The following FANCA variants were observed in gnomAD, a reference collection of about 807,000 sequenced individuals.
FANCA encodes FA complementation group A, also known as Fanconi anemia group A protein.
A neutral mutation model predicts 194.3 loss-of-function variants in FANCA; 236 were observed. That is an observed-to-expected ratio of 1.21 (90% confidence interval 1.09 to 1.35). The LOEUF is 1.35. Among genes scored for constraint, FANCA ranks in the 40% most tolerant of loss-of-function variants. The pLI is 0.00. For missense variants in FANCA, 2,628 were observed against 1,813.9 expected (o/e 1.45, Z -8.15); for synonymous variants, 1,014 against 715.8 (o/e 1.42, Z -6.65).
In FANCA at chr16:89,779,937, C is replaced by G; in HGVS notation, c.1647G>C (p.Gln549His). Residue 549 changes from glutamine (Q) to histidine (H), a missense_variant, in exon 18 of 43, where the codon CAG becomes CAC. Coordinates refer to ENST00000389301, the MANE Select transcript of FANCA (RefSeq NM_000135.4). ...ACACCATGATGGCCTTTTCAACATCCTGAAGAGCTTGGCTGTGGGGCTGGT... is the reference window on the plus strand; with the variant it reads ...ACACCATGATGGCCTTTTCAACATCGTGAAGAGCTTGGCTGTGGGGCTGGT... ...DITEPHSQALQDVEKAIMVFE... is the reference protein window; with the variant it reads ...DITEPHSQALHDVEKAIMVFE... 4.3e-6 allele frequency: 7 copies of G among 1,614,194 alleles called. No homozygotes were observed. Among genetic ancestry groups the G allele is most frequent in the Middle Eastern group, 1.7e-4 (1 of 6,028 alleles).
In FANCA at chr16:89,745,056, G is replaced by A. The variant is rs2038335485; in HGVS notation, c.3529C>T (p.Leu1177=). The A allele has an allele frequency of 6.2e-7, 1 of 1,606,876 alleles. No individual in the cohort carries two copies. The highest frequency in any genetic ancestry group is 1.1e-5 in the South Asian group (1 of 90,626). ...LTSALVWWPS[L]EPVLLCRWRR... is the part of the protein sequence containing the mutation. Reference sequence around the variant, plus strand: ...CACCGGCAGAGCAGCACAGGCTCCAGGCTCGGCCACCACACCTATGGAGAG... The same window carrying A: ...CACCGGCAGAGCAGCACAGGCTCCAAGCTCGGCCACCACACCTATGGAGAG... The change falls in exon 36 of 43, where the codon CTG becomes TTG. Residue 1177 remains leucine (L), a synonymous_variant. Transcript: ENST00000389301.
chr16:89,754,490 AGCCTCC>A (rs1266824803), intron 30 of FANCA, among the ~76,000 whole-genome samples: 2 of 152,026 alleles, frequency 1.3e-5, no homozygotes, highest in Non-Finnish European at 2.9e-5. Flanking sequence ...CTTCTGCCTC[AGCCTCC>A]CAAGTAACGG....
At chr16:89,776,724 G>C (rs1341796145) in intron 20 of FANCA, among the ~76,000 whole-genome samples, 3 of 151,940 alleles carry the variant, frequency 2.0e-5, no homozygotes, top group Non-Finnish European at 4.4e-5. Context: ...TCAGCTACTT[G>C]GTAGGCTGAG....
At chr16:89,768,387 G>A (rs374323414) in intron 26 of FANCA, among the ~76,000 whole-genome samples, 1 of 152,170 alleles carries the variant, frequency 6.6e-6, no homozygotes, top group African/African-American at 2.4e-5. Flanking sequence ...ACATATTTGA[G>A]CTGGGCGTGG....
rs760214298 is a variant in FANCA, at chr16:89,778,869, C to G, written c.1777-19G>C. 6.2e-6 allele frequency: 10 copies of G among 1,613,850 alleles called. No individual in the cohort carries two copies. The South Asian group carries it at 1.1e-4, about 18-fold the overall frequency. ...TGGGGAGCTGTGGGAAGAGAAGAGA[C>G]CTGTGAGAGACTGACAAGGAAAGTC... On this transcript the variant is annotated intron_variant, in intron 19 of 42. Transcript: ENST00000389301.
intron 14 of FANCA, among the ~76,000 whole-genome samples, chr16:89,788,524 A>G (rs1311169273): frequency 1.3e-5 from 2 of 152,114 alleles, no homozygotes; most frequent in East Asian, 1.9e-4. Context: ...CTATCTGGAC[A>G]TGGTGGCTCA....
At chr16:89,742,653 C>CA (rs749345470) in intron 37 of FANCA, 147 bp downstream of exon 37, 29,617 of 304,316 alleles carry the variant, frequency 0.097, 152 homozygotes, top group African/African-American at 0.12. Flanking sequence ...ACTAAAAATA[C>CA]AAAAAAAAAA....
chr16:89,774,001 C>A (rs376207654), intron 21 of FANCA, among the ~76,000 whole-genome samples: 5 of 152,212 alleles, frequency 3.3e-5, no homozygotes, highest in African/African-American at 1.2e-4. Flanking sequence ...GATCTCCTGA[C>A]CTCATGATTT....
At chr16:89,813,805 A>ACT (rs1269125862) in intron 3 of FANCA, among the ~76,000 whole-genome samples, 3 of 86,974 alleles carry the variant, frequency 3.4e-5, no homozygotes, top group African/African-American at 1.1e-4. Context: ...CAAGTCTTTT[A>ACT]CTGTGTGTGT....
rs2143062772 is a variant in FANCA at position 89,742,918 on chromosome 16, G to A, written c.3647C>T (p.Ala1216Val). 1 of 1,614,076 alleles carries A rather than the reference G, an allele frequency of 6.2e-7. No homozygotes were observed. The highest frequency in any genetic ancestry group is 1.1e-5 in the South Asian group (1 of 91,080). Residue 1216 changes from alanine to valine, a missense_variant, in exon 37 of 43, where the codon GCC becomes GTC. Physicochemically the swap from Ala to Val is moderately conservative, Grantham distance 64. Transcript: ENST00000389301. ...CCAGTCCGGGTTGGGTGCTGGGGAG[G>A]CAGCCTCAGGGGAGAGGAAACTGGG... ...FASDFLSPEAASPAPNPDWLS... is the reference protein window; with the variant it reads ...FASDFLSPEAVSPAPNPDWLS...
intron 10 of FANCA, 37 bp from the exon 11 acceptor site, chr16:89,796,055 G>C (rs746822273): frequency 6.5e-7 from 1 of 1,533,868 alleles, no homozygotes; most frequent in Admixed American, 1.7e-5. Flanking sequence ...AGGAAAGGGA[G>C]GGTGCCTTGC....
At chr16:89,761,354 G>A (rs1371456135) in intron 29 of FANCA, among the ~76,000 whole-genome samples, 1 of 151,156 alleles carries the variant, frequency 6.6e-6, no homozygotes, top group Non-Finnish European at 1.5e-5. Flanking sequence ...GGGAGGTGGA[G>A]GTTGCAGTGA....
Position 89,810,788 on chromosome 16 carries a change from G to A in FANCA, c.441C>T (p.Ser147=), listed in dbSNP as rs772133367. 6 of 1,613,082 alleles carry A rather than the reference G, an allele frequency of 3.7e-6. No homozygotes were observed. The South Asian group carries it at 5.5e-5, about 15-fold the overall frequency. ...LTVEQRKKLS[S]LLEFAQYLLA... ...ATAAATACTGAGCAAACTCTAACAG[G>A]GAAGACAGCTTCTTCTGAAAAGAGA... is the stretch of plus-strand genomic sequence containing the variant. Residue 147 remains serine (S), a synonymous_variant, in exon 5 of 43, where the codon TCC becomes TCT. Transcript: ENST00000389301.
intron 27 of FANCA, among the ~76,000 whole-genome samples, 167 bp downstream of exon 27, chr16:89,766,974 C>A (rs114612137): frequency 6.6e-6 from 1 of 151,754 alleles, no homozygotes; most frequent in Non-Finnish European, 1.5e-5. Flanking sequence ...CAGAGGTGGC[C>A]ATGACAGCCA....
chr16:89,792,702 A>T, intron 11 of FANCA, 155 bp from the exon 12 acceptor site: 1 of 654,694 alleles, frequency 1.5e-6, no homozygotes, highest in South Asian at 1.6e-5. Flanking sequence ...GATAAAAGAC[A>T]AGACAGCTGG....
At chr16:89,739,392 C>G in intron 40 of FANCA, 86 bp downstream of exon 40, 1 of 1,576,890 alleles carries the variant, frequency 6.3e-7, no homozygotes, top group Non-Finnish European at 8.6e-7. Flanking sequence ...ACAGACAACC[C>G]TTCCCATCTG....
At chr16:89,765,704 G>C (rs1373851258) in intron 27 of FANCA, among the ~76,000 whole-genome samples, 1 of 152,246 alleles carries the variant, frequency 6.6e-6, no homozygotes, top group Admixed American at 6.5e-5. Flanking sequence ...GAGGAGATGA[G>C]AGCCTCCCAT....
Position 89,799,171 on chromosome 16 carries a change from C to T in FANCA, c.888G>A (p.Arg296=), listed in dbSNP as rs942855447. The T allele has an allele frequency of 8.1e-6, 13 of 1,614,104 alleles. No individual in the cohort carries two copies. Among genetic ancestry groups the T allele is most frequent in the Non-Finnish European group, 1.1e-5 (13 of 1,180,054 alleles). The change falls in exon 10 of 43, where the codon AGG becomes AGA. Residue 296 remains arginine (R), a synonymous_variant. Coordinates refer to ENST00000389301, the MANE Select transcript of FANCA (RefSeq NM_000135.4). ...GGCCACCCTCAGGAACATACCAGCACCTCACGATCTTGTGAGTGGAGGACT... is the reference window on the plus strand; with the variant it reads ...GGCCACCCTCAGGAACATACCAGCATCTCACGATCTTGTGAGTGGAGGACT... ...QEESSTHKIV[R]CWFGVFSGHT...
Position 89,777,134 on chromosome 16 carries a change from C to G in FANCA, c.1827-1319G>C, listed in dbSNP as rs979805655. On this transcript the variant is annotated intron_variant, in intron 20 of 42. Coordinates refer to ENST00000389301, the MANE Select transcript of FANCA (RefSeq NM_000135.4). ...CAGAGGGGGAAGGATTGTTGAAACC[C>G]AGGAGGTCAAGGCTGGCCAGGTGTG... Among the ~76,000 whole-genome samples, 5 of 151,668 alleles carry G rather than the reference C, an allele frequency of 3.3e-5. No individual in the cohort carries two copies. The East Asian group carries it at 9.7e-4, about 29-fold the overall frequency.
Sources: allele counts gnomAD v4.1 joint callset (sites outside exome capture counted in the v4.1 genomes callset), GRCh38; gene constraint gnomAD v4.1.1; transcripts MANE v1.5; gene names NCBI Gene and HGNC (gene_info 2026-07-23, HGNC 2026-07-21).